GSE1: variants seen among roughly 807,000 people sequenced by gnomAD.
GSE1 encodes the protein genetic suppressor element 1.
GSE1 carries 32 observed loss-of-function variants against 112.6 expected under a neutral mutation model. The observed-to-expected ratio is 0.28, with a 90% confidence interval of 0.21 to 0.38. The LOEUF (loss-of-function observed/expected upper bound fraction) is 0.38, where lower values mean the gene tolerates loss of function less well. GSE1 is among the 10% of genes least tolerant of loss of function. The pLI is 1.00. For missense variants in GSE1, 2,348 were observed against 1,699.2 expected (o/e 1.38, Z -6.71); for synonymous variants, 1,115 against 735.6 (o/e 1.52, Z -8.35).
intron 1 of GSE1, among the ~76,000 whole-genome samples, chr16:85,233,850 G>A (rs933703212): frequency 6.6e-6 from 1 of 152,172 alleles, no homozygotes; most frequent in Non-Finnish European, 1.5e-5. Context: ...CTGGGGAGGT[G>A]TAGGGAGCCC....
At chr16:85,390,431 TA>T (rs2047811404) in intron 2 of GSE1, among the ~76,000 whole-genome samples, 1 of 152,144 alleles carries the variant, frequency 6.6e-6, no homozygotes, top group Admixed American at 6.5e-5. Flanking sequence ...CCGGGGCAGC[TA>T]GTCCCCTTTG....
intron 2 of GSE1, among the ~76,000 whole-genome samples, chr16:85,523,456 G>C (rs1418554121): frequency 6.6e-6 from 1 of 152,210 alleles, no homozygotes; most frequent in Non-Finnish European, 1.5e-5. Flanking sequence ...ATGGAACAGC[G>C]TCCTGGTTGG....
At chr16:85,259,540 A>G (rs557181692) in intron 1 of GSE1, among the ~76,000 whole-genome samples, 1 of 152,356 alleles carries the variant, frequency 6.6e-6, no homozygotes, top group African/African-American at 2.4e-5. Flanking sequence ...CAGCCAGGGC[A>G]CAGAGAGGGT....
chr16:85,478,891 C>CTTTTTT (rs1231265822), intron 2 of GSE1, among the ~76,000 whole-genome samples: 1 of 72,552 alleles, frequency 1.4e-5, no homozygotes, highest in African/African-American at 9.0e-5. Flanking sequence ...TTCTTTCTTT[C>CTTTTTT]TTTCTTTCTT....
intron 1 of GSE1, among the ~76,000 whole-genome samples, chr16:85,627,834 AG>A (rs1237925112): frequency 2.0e-5 from 3 of 152,202 alleles, no homozygotes; most frequent in Non-Finnish European, 4.4e-5. Flanking sequence ...TGAGGGCAGC[AG>A]GGGGGTGTGC....
intron 13 of GSE1, 175 bp downstream of exon 13, chr16:85,666,522 C>T (rs2052875903): frequency 4.5e-6 from 3 of 660,176 alleles, no homozygotes; most frequent in Non-Finnish European, 5.1e-6. Flanking sequence ...TGTTTATCTC[C>T]AAGCTCTAAA....
At chr16:85,613,692 C>T (rs1276256041) in intron 1 of GSE1, among the ~76,000 whole-genome samples, 33 of 124,578 alleles carry the variant, frequency 2.6e-4, no homozygotes, top group Admixed American at 1.6e-4. Context: ...TGCGTGCGGG[C>T]TAGAGGGCAG....
intron 2 of GSE1, among the ~76,000 whole-genome samples, chr16:85,545,573 C>T (rs1211544520): frequency 6.6e-6 from 1 of 152,164 alleles, no homozygotes; most frequent in Non-Finnish European, 1.5e-5. Flanking sequence ...GCTGTGTGAC[C>T]TTGGGCAAGT....
chr16:85,340,410 C>T (rs1312265289), intron 1 of GSE1, among the ~76,000 whole-genome samples: 1 of 152,100 alleles, frequency 6.6e-6, no homozygotes, highest in African/African-American at 2.4e-5. Context: ...GAGACCGAGG[C>T]AGGAGGATCA....
intron 1 of GSE1, among the ~76,000 whole-genome samples, chr16:85,248,162 CG>C (rs1567637674): frequency 6.6e-6 from 1 of 152,140 alleles, no homozygotes; most frequent in Non-Finnish European, 1.5e-5. Context: ...GTGGGGACCC[CG>C]CTGGGCAGGT....
chr16:85,190,111 C>A (rs1409682783), intron 1 of GSE1, among the ~76,000 whole-genome samples: 1 of 152,184 alleles, frequency 6.6e-6, no homozygotes, highest in Admixed American at 6.5e-5. Context: ...GGGCACACTT[C>A]CCAAGCCTGA....
rs374353896 is a variant in GSE1 at position 85,180,105 on chromosome 16, C to G, written c.2283+8298C>G. 8.5e-5 allele frequency among the ~76,000 whole-genome samples: 13 copies of G among 152,376 alleles called. No individual in the cohort carries two copies. The East Asian group carries it at 2.3e-3, about 27-fold the overall frequency. ...GGCTCTCAGGTTCCCTGCCTGGGGT[C>G]TGGTTGCCCTGACTGCTGTGTTTTA... On this transcript the variant is annotated intron_variant, in intron 1 of 2. Coordinates refer to the GSE1 transcript ENST00000637419.
At chr16:85,313,547 G>A (rs904422983) in intron 1 of GSE1, among the ~76,000 whole-genome samples, 1 of 151,618 alleles carries the variant, frequency 6.6e-6, no homozygotes, top group Non-Finnish European at 1.5e-5. Flanking sequence ...TCCCCTTCCT[G>A]CCCCCTCCCT....
At chr16:85,475,917 G>A (rs1159696533) in intron 2 of GSE1, among the ~76,000 whole-genome samples, 2 of 151,710 alleles carry the variant, frequency 1.3e-5, no homozygotes, top group Non-Finnish European at 2.9e-5. Context: ...AGCCATCGCA[G>A]CGGCCACTTC....
At chr16:85,563,104 ACCGTGTAT>A (rs2045595047) in intron 1 of GSE1, among the ~76,000 whole-genome samples, 1 of 151,882 alleles carries the variant, frequency 6.6e-6, no homozygotes, top group Non-Finnish European at 1.5e-5. Context: ...CTGTAGGGGC[ACCGTGTAT>A]TCGAAGGGAA....
chr16:85,597,373 C>CAAAAA (rs1165062872), intron 1 of GSE1, among the ~76,000 whole-genome samples: 27 of 31,804 alleles, frequency 8.5e-4, no homozygotes, highest in African/African-American at 2.0e-3. Context: ...GACTCTGTCT[C>CAAAAA]AAAAAAAAAA....
At chr16:85,257,970 G>T (rs9940081) in intron 1 of GSE1, among the ~76,000 whole-genome samples, 11,792 of 152,304 alleles carry the variant, frequency 0.077, 578 homozygotes, top group East Asian at 0.16. Flanking sequence ...TGGTGTGATT[G>T]GGAGCTCAGG....
intron 2 of GSE1, among the ~76,000 whole-genome samples, chr16:85,645,976 C>A (rs1323320296): frequency 6.6e-6 from 1 of 151,738 alleles, no homozygotes; most frequent in African/African-American, 2.4e-5. Flanking sequence ...ATTCTACCTG[C>A]TTCTACCACG....
intron 1 of GSE1, among the ~76,000 whole-genome samples, chr16:85,256,273 A>T (rs1907071170): frequency 6.6e-6 from 1 of 152,152 alleles, no homozygotes; most frequent in Admixed American, 6.6e-5. Context: ...ATAATAATAT[A>T]ATAATAATAA....
Sources: allele counts gnomAD v4.1 joint callset (sites outside exome capture counted in the v4.1 genomes callset), GRCh38; gene constraint gnomAD v4.1.1; transcripts MANE v1.5; gene names NCBI Gene and HGNC (gene_info 2026-07-23, HGNC 2026-07-21).